Variants in PSD4 observed in about 807,000 individuals in gnomAD.
The protein encoded by PSD4 is pleckstrin and Sec7 domain containing 4, also known as PH and SEC7 domain-containing protein 4.
PSD4 carries 59 observed loss-of-function variants against 112.5 expected under a neutral mutation model. That is an observed-to-expected ratio of 0.52 (90% CI 0.43 to 0.65). The LOEUF is 0.65. Among genes scored for constraint, PSD4 ranks in the 30% least tolerant of loss-of-function variants. The probability of loss-of-function intolerance (pLI) is 0.00; values close to 1 mark genes in which losing one functional copy is unlikely to be tolerated. For synonymous variants in PSD4, 533 were observed against 540.0 expected, an observed-to-expected ratio of 0.99 and a Z score of 0.18; for missense variants, 1,267 against 1,352.6, an observed-to-expected ratio of 0.94 and a Z score of 0.99.
Position 113,201,316 on chromosome 2 carries a change from C to G in PSD4, c.3072C>G (p.His1024Gln), listed in dbSNP as rs140800368. 1.9e-6 allele frequency: 3 copies of G among 1,614,062 alleles called. No individual in the cohort carries two copies. The highest frequency in any genetic ancestry group is 2.5e-6 in the Non-Finnish European group (3 of 1,180,042). ...AGTCCCACTCGAGCCCGTCCCTGCA[C>G]CAGGATGAGGCTCCCACCACGGCCA... ...LKKSHSSPSLHQDEAPTTAKV... is the reference protein window; with the variant it reads ...LKKSHSSPSLQQDEAPTTAKV... The change falls in exon 17 of 17, where the codon CAC (histidine) becomes CAG (glutamine). Residue 1024 changes from histidine (H) to glutamine (Q), a missense_variant. His to Gln is a conservative substitution (Grantham distance 24). This residue lies in a region of PSD4 where 544 missense variants were observed against 648.6 expected (regional missense o/e 0.84). Coordinates refer to ENST00000245796, the MANE Select transcript of PSD4 (RefSeq NM_012455.3).
intron 12 of PSD4, chr2:113,197,296 G>A: frequency 3.9e-6 from 2 of 511,678 alleles, no homozygotes; most frequent in East Asian, 7.0e-5. Context: ...TTGGAGAGAA[G>A]ATGATATGTA....
intron 5 of PSD4, among the ~76,000 whole-genome samples, chr2:113,188,991 T>C (rs1688379571): frequency 6.6e-6 from 1 of 152,174 alleles, no homozygotes; most frequent in African/African-American, 2.4e-5. Flanking sequence ...ATTTGTGAGG[T>C]TTTGGTGCAC....
In PSD4 at chr2:113,185,419, A is replaced by T; in HGVS notation, c.1228A>T (p.Thr410Ser). 6.2e-7 allele frequency: 1 copy of T among 1,613,966 alleles called. No homozygotes were observed. The highest frequency in any genetic ancestry group is 8.5e-7 in the Non-Finnish European group (1 of 1,179,982). Residue 410 changes from threonine to serine, a missense_variant, in exon 4 of 17, where the codon ACT becomes TCT. By Grantham distance (58) the Thr-to-Ser change is moderately conservative. Transcript: ENST00000245796. ...AGGAGGTCCTTTTTGGCCCCAGGTG[A>T]CTCTTAACTCCCAGGACAGAGGTGA... is the stretch of plus-strand genomic sequence containing the variant. ...QRGGPFWPQV[T>S]LNSQDRDERE...
At position 113,201,412 on chromosome 2, in the gene PSD4, G is replaced by T. The variant is rs1380981155; in HGVS notation, c.3168G>T (p.Leu1056=). 6.2e-7 allele frequency: 1 copy of T among 1,613,378 alleles called. No individual in the cohort carries two copies. Among genetic ancestry groups the T allele is most frequent in the African/African-American group, 1.3e-5 (1 of 74,938 alleles). Residue 1056 remains leucine (L), a synonymous_variant, in exon 17 of 17, where the codon CTG becomes CTT. Coordinates refer to ENST00000245796, the MANE Select transcript of PSD4 (RefSeq NM_012455.3). ...TCCCTAAGCGGAACCGCAATCAGCT[G>T]TGAAGCCAGCACCACCTCAGAGACA... is the stretch of plus-strand genomic sequence containing the variant. ...KIIPKRNRNQ[L]
chr2:113,183,290 G>A lies in PSD4; in HGVS notation c.834G>A (p.Arg278=), dbSNP rs139441610. The A allele has an allele frequency of 4.5e-5, 72 of 1,613,558 alleles. 1 individual carries two copies. Among genetic ancestry groups the A allele is most frequent in the Non-Finnish European group, 1.4e-5 (16 of 1,179,730 alleles). ...WGASDSHAGV[R]TGPESPATLE... ...CTTCAGACTCCCATGCAGGTGTGAG[G>A]ACTGGACCTGAGAGCCCAGCGACTC... Residue 278 remains arginine (R), a synonymous_variant, in exon 2 of 17, where the codon AGG becomes AGA. Transcript: ENST00000245796.
At chr2:113,178,030 C>T (rs1688024289) in intron 1 of PSD4, among the ~76,000 whole-genome samples, 1 of 152,142 alleles carries the variant, frequency 6.6e-6, no homozygotes, top group African/African-American at 2.4e-5. Context: ...CCAGCCTGAT[C>T]AATATGGTGA....
intron 1 of PSD4, chr2:113,175,398 C>T (rs747226606): frequency 6.6e-6 from 1 of 152,178 alleles, no homozygotes; most frequent in Non-Finnish European, 1.5e-5. Flanking sequence ...TGCATGATGG[C>T]TCTTTCTGTG....
rs142578178 is a variant in PSD4 at position 113,182,878 on chromosome 2, C to T, written c.422C>T (p.Pro141Leu). Residue 141 changes from proline (P) to leucine (L), a missense_variant, in exon 2 of 17, where the codon CCG becomes CTG. Around this residue, in one of 2 missense-constraint regions of PSD4, gnomAD observed 723 missense variants for 704.0 expected, o/e 1.03. Coordinates refer to ENST00000245796, the MANE Select transcript of PSD4 (RefSeq NM_012455.3). ...GGGTCACCAGTGAACAGCCATCTAC[C>T]GGGGAGCCCAAAGCAGAACCGGAGC... ...SPGSPVNSHL[P>L]GSPKQNRSTS... 1.8e-5 allele frequency: 29 copies of T among 1,614,046 alleles called. No individual in the cohort carries two copies. Among genetic ancestry groups the T allele is most frequent in the South Asian group, 5.5e-5 (5 of 91,082 alleles).
chr2:113,193,496 C>A, intron 8 of PSD4, 96 bp from the exon 9 acceptor site: 1 of 1,504,996 alleles, frequency 6.6e-7, no homozygotes, highest in East Asian at 2.3e-5. Context: ...TGGAAGCATT[C>A]CAGGGGTTAT....
Position 113,201,853 on chromosome 2 carries a change from C to G in PSD4, c.*438C>G. On this transcript the variant is annotated 3_prime_UTR_variant, in exon 17 of 17. Coordinates refer to ENST00000245796, the MANE Select transcript of PSD4 (RefSeq NM_012455.3). ...GGGCAGCAGAGGCCCCTGGGCAGCC[C>G]AGCCAGGGGAGCCACAGCCCCAAGG... 5.9e-6 allele frequency: 1 copy of G among 168,126 alleles called. No individual in the cohort carries two copies. The highest frequency in any genetic ancestry group is 1.3e-5 in the Non-Finnish European group (1 of 76,992). 10.4% of individuals were successfully genotyped at this position (168,126 alleles called of 1,614,324 possible). A position where few individuals can be genotyped will look rare whatever the true frequency, so the allele number is the denominator to read the frequency against.
intron 16 of PSD4, among the ~76,000 whole-genome samples, chr2:113,199,577 CTG>C (rs1213934900): frequency 4.6e-5 from 7 of 150,764 alleles, no homozygotes; most frequent in Non-Finnish European, 2.9e-5. Flanking sequence ...GAAGGGAAAA[CTG>C]TATTTCAGCT....
chr2:113,180,257 C>T (rs1644573927), intron 1 of PSD4, among the ~76,000 whole-genome samples: 1 of 152,184 alleles, frequency 6.6e-6, no homozygotes, highest in Non-Finnish European at 1.5e-5. Flanking sequence ...ACCCTAGCTC[C>T]CCACTGCAGT....
chr2:113,183,939 C>T (rs1688220525), intron 2 of PSD4, among the ~76,000 whole-genome samples: 1 of 152,348 alleles, frequency 6.6e-6, no homozygotes, highest in East Asian at 1.9e-4. Context: ...AGAGAGATGC[C>T]TATTTCAAAA....
At position 113,193,324 on chromosome 2, in the gene PSD4, C is replaced by A. The variant is rs1377152800; in HGVS notation, c.1986C>A (p.Phe662Leu). The A allele has an allele frequency of 1.2e-6, 2 of 1,603,102 alleles. No homozygotes were observed. The highest frequency in any genetic ancestry group is 1.7e-6 in the Non-Finnish European group (2 of 1,176,736). ...TQERERILYQ[F>L]SRRFHHCNPG... ...AACGGGAGCGAATCCTCTACCAGTT[C>A]TCCAGACGCTTCCACCATTGCAATC... The change falls in exon 8 of 17, where the codon TTC becomes TTA. Residue 662 changes from phenylalanine (F) to leucine (L), a missense_variant. This residue lies in a region of PSD4 where 544 missense variants were observed against 648.6 expected (regional missense o/e 0.84). Transcript: ENST00000245796.
In PSD4 at chr2:113,182,327, T is replaced by C. The variant is rs1376619155; in HGVS notation, c.-111-19T>C. On this transcript the variant is annotated intron_variant, in intron 1 of 16. Coordinates refer to ENST00000245796, the MANE Select transcript of PSD4 (RefSeq NM_012455.3). Reference sequence around the variant, plus strand: ...CTGACAGCCCTTCCCTAACCTGCACTTGCTTTGGGCATTTCCAGGGTAGAT... The same window carrying C: ...CTGACAGCCCTTCCCTAACCTGCACCTGCTTTGGGCATTTCCAGGGTAGAT... The C allele has an allele frequency of 2.2e-6, 2 of 909,156 alleles. No individual in the cohort carries two copies. Among genetic ancestry groups the C allele is most frequent in the African/African-American group, 3.4e-5 (2 of 59,380 alleles). The allele number at this position is 909,156 out of a possible 1,614,324, so 56.3% of individuals were successfully genotyped here.
At chr2:113,176,302 G>A (rs1687971585) in intron 1 of PSD4, among the ~76,000 whole-genome samples, 1 of 152,204 alleles carries the variant, frequency 6.6e-6, no homozygotes, top group African/African-American at 2.4e-5. Flanking sequence ...TTGAAGCCGG[G>A]GGTGGGGCAG....
chr2:113,191,289 T>G (rs972412734), intron 5 of PSD4, among the ~76,000 whole-genome samples: 2 of 152,214 alleles, frequency 1.3e-5, no homozygotes, highest in African/African-American at 4.8e-5. Context: ...TTCTTTTTTT[T>G]CTTTTAGACG....
At chr2:113,196,023 T>G in intron 11 of PSD4, 124 bp from the exon 12 acceptor site, 1 of 1,276,194 alleles carries the variant, frequency 7.8e-7, no homozygotes, top group Non-Finnish European at 1.1e-6. Flanking sequence ...GAGGACTCCT[T>G]GTGGGGGGTC....
In PSD4 at chr2:113,201,511, G is replaced by T; in HGVS notation, c.*96G>T. 6.7e-7 allele frequency: 1 copy of T among 1,482,946 alleles called. No individual in the cohort carries two copies. The highest frequency in any genetic ancestry group is 1.3e-5 in the South Asian group (1 of 78,684). The allele number at this position is 1,482,946 out of a possible 1,614,324, so 91.9% of individuals were successfully genotyped here. ...CTTATTTCAATGAGTCCACCATGAC[G>T]GATGAGGCACCTCCTTTCCCTGCTG... On this transcript the variant is annotated 3_prime_UTR_variant, in exon 17 of 17. Transcript: ENST00000245796.
Sources: allele counts gnomAD v4.1 joint callset (sites outside exome capture counted in the v4.1 genomes callset), GRCh38; gene constraint gnomAD v4.1.1; regional missense constraint gnomAD v4.1.1; transcripts MANE v1.5; gene names NCBI Gene and HGNC (gene_info 2026-07-23, HGNC 2026-07-21).